Variants in SMIM7 observed in about 807,000 individuals in gnomAD.
The protein encoded by SMIM7 is small integral membrane protein 7.
SMIM7 carries 12 observed loss-of-function variants against 13.3 expected under a neutral mutation model. The observed-to-expected ratio is 0.90, with a 90% CI of 0.58 to 1.46. SMIM7 has a LOEUF of 1.46. SMIM7 is among the 40% of genes most tolerant of loss of function. SMIM7 has a pLI of 0.00. For synonymous variants in SMIM7, 36 were observed against 35.8 expected, an observed-to-expected ratio of 1.01 and a Z score of -0.02; for missense variants, 114 against 94.8, an observed-to-expected ratio of 1.20 and a Z score of -0.84.
intron 4 of SMIM7, 45 bp downstream of exon 4, chr19:16,653,990 G>C (rs757289104): frequency 3.9e-6 from 6 of 1,522,936 alleles, no homozygotes; most frequent in Admixed American, 3.4e-5. Flanking sequence ...CCTGGAGAAG[G>C]AGACTAAGAG....
chr19:16,635,899 A>AAAATATATATAT (rs1200181092), intron 4 of SMIM7, among the ~76,000 whole-genome samples: 1 of 109,576 alleles, frequency 9.1e-6, no homozygotes, highest in African/African-American at 4.3e-5. Context: ...AAAAAAAAAA[A>AAAATATATATAT]ATATATATAT....
At chr19:16,648,356 G>A (rs2086476693) in intron 4 of SMIM7, among the ~76,000 whole-genome samples, 1 of 151,504 alleles carries the variant, frequency 6.6e-6, no homozygotes, top group Non-Finnish European at 1.5e-5. Context: ...GGTCAGGCCG[G>A]TCTCAAACTC....
At chr19:16,653,873 C>T (rs1340627513) in intron 4 of SMIM7, 162 bp downstream of exon 4, 9 of 642,082 alleles carry the variant, frequency 1.4e-5, no homozygotes, top group Non-Finnish European at 2.4e-5. Context: ...CCAGTTTAGG[C>T]GACAGAGCAA....
At chr19:16,645,651 T>C (rs2086441393), downstream of SMIM7, 3 of 147,992 alleles carry the variant, frequency 2.0e-5, no homozygotes, top group Admixed American at 6.8e-5. Context: ...AAATTCCACT[T>C]ACTCAATTCT....
At chr19:16,637,892 G>A (rs774729928) in intron 4 of SMIM7, among the ~76,000 whole-genome samples, 1 of 152,176 alleles carries the variant, frequency 6.6e-6, no homozygotes, top group Non-Finnish European at 1.5e-5. Context: ...CTCCAACAGG[G>A]ACTGTATTTG....
chr19:16,652,642 T>C (rs1480528011), intron 4 of SMIM7: 35 of 1,354,998 alleles, frequency 2.6e-5, no homozygotes, highest in Non-Finnish European at 2.9e-5. Context: ...TCACGGTCCT[T>C]GTGATGAGGG....
intron 4 of SMIM7, among the ~76,000 whole-genome samples, chr19:16,650,012 C>G (rs2086500572): frequency 6.6e-6 from 1 of 152,084 alleles, no homozygotes; most frequent in Non-Finnish European, 1.5e-5. Flanking sequence ...CGGTTTCTTT[C>G]TGTGTTGATG....
intron 4 of SMIM7, chr19:16,634,569 G>T (rs1236701131): frequency 6.6e-6 from 1 of 152,118 alleles, no homozygotes; most frequent in Non-Finnish European, 1.5e-5. Context: ...TTGAGCTCAG[G>T]AGTTTGAGAC....
At chr19:16,648,044 A>G (rs1457970600) in intron 4 of SMIM7, among the ~76,000 whole-genome samples, 1 of 152,210 alleles carries the variant, frequency 6.6e-6, no homozygotes, top group Non-Finnish European at 1.5e-5. Flanking sequence ...TTACGTGTAC[A>G]TCTTTGTAAC....
chr19:16,641,641 C>G (rs902605493), downstream of SMIM7, among the ~76,000 whole-genome samples: 3 of 152,120 alleles, frequency 2.0e-5, no homozygotes, highest in African/African-American at 7.2e-5. Context: ...CTCTGTCGTC[C>G]AGGCTGGAGT....
chr19:16,637,221 AAC>A (rs2122492305), intron 4 of SMIM7, among the ~76,000 whole-genome samples: 1 of 152,208 alleles, frequency 6.6e-6, no homozygotes, highest in African/African-American at 2.4e-5. Context: ...GCTCCTTAGG[AAC>A]ATAGGTCCTT....
At chr19:16,648,894 T>C (rs2086483188) in intron 4 of SMIM7, among the ~76,000 whole-genome samples, 1 of 151,858 alleles carries the variant, frequency 6.6e-6, no homozygotes, top group African/African-American at 2.4e-5. Flanking sequence ...TGCACACCCA[T>C]AGTCCCACTA....
At chr19:16,642,167 A>G (rs1040610501), downstream of SMIM7, among the ~76,000 whole-genome samples, 2 of 152,202 alleles carry the variant, frequency 1.3e-5, no homozygotes, top group African/African-American at 4.8e-5. Flanking sequence ...TTGTTTTCTA[A>G]TACACAAAAT....
chr19:16,650,196 T>C (rs940549180), intron 4 of SMIM7, among the ~76,000 whole-genome samples: 2 of 152,106 alleles, frequency 1.3e-5, no homozygotes, highest in Non-Finnish European at 2.9e-5. Context: ...CACAGAAGAG[T>C]TGTGTTGAAA....
At chr19:16,648,054 C>T (rs1431422849) in intron 4 of SMIM7, among the ~76,000 whole-genome samples, 1 of 152,148 alleles carries the variant, frequency 6.6e-6, no homozygotes, top group African/African-American at 2.4e-5. Flanking sequence ...ATCTTTGTAA[C>T]CTTGGGTTAC....
At chr19:16,649,681 GTTC>G (rs1362784237) in intron 4 of SMIM7, among the ~76,000 whole-genome samples, 1 of 152,298 alleles carries the variant, frequency 6.6e-6, no homozygotes, top group Non-Finnish European at 1.5e-5. Flanking sequence ...GTACATGAAT[GTTC>G]TTGTCACCAC....
At chr19:16,643,240 T>C (rs770847949), downstream of SMIM7, among the ~76,000 whole-genome samples, 1 of 151,862 alleles carries the variant, frequency 6.6e-6, no homozygotes, top group Non-Finnish European at 1.5e-5. Flanking sequence ...CAAAAGAAAA[T>C]GTAAGCACCA....
chr19:16,654,385 G>C (rs1408185218), intron 3 of SMIM7, among the ~76,000 whole-genome samples: 1 of 152,118 alleles, frequency 6.6e-6, no homozygotes, highest in East Asian at 1.9e-4. Context: ...TCTGTCCAAT[G>C]AGAGTCCACC....
intron 4 of SMIM7, among the ~76,000 whole-genome samples, chr19:16,649,456 CCA>C (rs1174190970): frequency 6.6e-6 from 1 of 152,058 alleles, no homozygotes; most frequent in Non-Finnish European, 1.5e-5. Flanking sequence ...ACCTGTAACC[CCA>C]GTTACTCAGG....
Sources: gnomAD v4.1 joint callset for allele counts (sites outside exome capture counted in the v4.1 genomes callset) on GRCh38, gnomAD v4.1.1 for gene constraint, MANE v1.5 for transcripts, NCBI Gene and HGNC (gene_info 2026-07-23, HGNC 2026-07-21) for gene names.